The following RAB27A variants were observed in gnomAD, a reference collection of about 807,000 sequenced individuals.
The protein encoded by RAB27A is ras-related protein Rab-27A.
In RAB27A, 17 loss-of-function variants were observed where a neutral mutation model predicts 20.8. The ratio of observed to expected loss-of-function variants is 0.82; its 90% CI spans 0.56 to 1.23. The LOEUF (loss-of-function observed/expected upper bound fraction) is 1.23, where lower values mean the gene tolerates loss of function less well. Among genes scored for constraint, RAB27A ranks in the 50% most tolerant of loss-of-function variants. The pLI, the probability that RAB27A is intolerant of heterozygous loss-of-function variation, is 0.00. For missense variants in RAB27A, 277 were observed against 266.7 expected, an observed-to-expected ratio of 1.04 and a Z score of -0.27; for synonymous variants, 85 against 92.8, an observed-to-expected ratio of 0.92 and a Z score of 0.48.
At chr15:55,284,992 T>C (rs1898110136) in intron 1 of RAB27A, among the ~76,000 whole-genome samples, 1 of 152,140 alleles carries the variant, frequency 6.6e-6, no homozygotes, top group South Asian at 2.1e-4. Flanking sequence ...CATCGATGCA[T>C]TTCCTATGCA....
At chr15:55,209,672 C>A (rs575548556) in intron 6 of RAB27A, among the ~76,000 whole-genome samples, 31 of 144,410 alleles carry the variant, frequency 2.1e-4, no homozygotes, top group South Asian at 4.5e-4. Context: ...ATATATATAT[C>A]TCTCTCCTAA....
At chr15:55,269,746 T>C (rs1354345382) in intron 2 of RAB27A, 1 of 151,824 alleles carries the variant, frequency 6.6e-6, no homozygotes, top group African/African-American at 2.4e-5. Context: ...GTCTCAAATT[T>C]AAAAAACAAA....
At chr15:55,240,493 CAGAA>C (rs749134616) in intron 2 of RAB27A, among the ~76,000 whole-genome samples, 1 of 152,144 alleles carries the variant, frequency 6.6e-6, no homozygotes, top group Non-Finnish European at 1.5e-5. Context: ...CTGTCTCCCT[CAGAA>C]AGATCTAGAG....
intron 2 of RAB27A, among the ~76,000 whole-genome samples, chr15:55,303,369 C>T (rs2054982782): frequency 1.2e-5 from 1 of 83,558 alleles, no homozygotes; most frequent in Admixed American, 9.7e-5. Context: ...CGCCTCTGCC[C>T]GGCCGCCCCT....
At chr15:55,212,868 A>G (rs1248334044) in intron 6 of RAB27A, among the ~76,000 whole-genome samples, 2 of 152,160 alleles carry the variant, frequency 1.3e-5, no homozygotes, top group Admixed American at 1.3e-4. Context: ...TTATCCAAAG[A>G]CCTGTGGTAC....
chr15:55,216,225 AATG>A (rs1895296594), intron 6 of RAB27A, among the ~76,000 whole-genome samples: 1 of 152,162 alleles, frequency 6.6e-6, no homozygotes, highest in African/African-American at 2.4e-5. Flanking sequence ...GCTTATTTGT[AATG>A]ATGTTATTTA....
intron 2 of RAB27A, among the ~76,000 whole-genome samples, chr15:55,247,248 A>C (rs1020609712): frequency 6.6e-6 from 1 of 152,182 alleles, no homozygotes; most frequent in Non-Finnish European, 1.5e-5. Context: ...GAAGAGGTAA[A>C]ATGAAAAGCT....
chr15:55,270,563 A>G (rs1897674856), intron 1 of RAB27A, among the ~76,000 whole-genome samples: 2 of 152,150 alleles, frequency 1.3e-5, no homozygotes, highest in Admixed American at 1.3e-4. Context: ...TCTGCACTTC[A>G]GCTCTTTCTT....
chr15:55,218,516 A>G (rs1043163054), intron 6 of RAB27A, among the ~76,000 whole-genome samples: 1 of 152,260 alleles, frequency 6.6e-6, no homozygotes, highest in African/African-American at 2.4e-5. Flanking sequence ...AACAGTGAGC[A>G]TGCTGTTGAA....
chr15:55,238,312 A>G (rs560125729), intron 2 of RAB27A: 3 of 152,234 alleles, frequency 2.0e-5, no homozygotes, highest in Middle Eastern at 3.4e-3. Flanking sequence ...CAAGCTTCAT[A>G]TCCATTATTC....
intron 3 of RAB27A, among the ~76,000 whole-genome samples, chr15:55,233,882 A>C (rs1896146005): frequency 6.6e-6 from 1 of 152,214 alleles, no homozygotes; most frequent in African/African-American, 2.4e-5. Context: ...ACATATATGT[A>C]GATTCTATCA....
chr15:55,275,918 TAAAAAAAA>T (rs60106785), intron 1 of RAB27A, among the ~76,000 whole-genome samples: 1 of 104,142 alleles, frequency 9.6e-6, no homozygotes, highest in Admixed American at 1.2e-4. Context: ...GATGGCTAAT[TAAAAAAAA>T]AAAAAAAAAA....
Position 55,318,183 on chromosome 15 carries a change from C to T in RAB27A, c.-234+748G>A, listed in dbSNP as rs577117203. On this transcript the variant is annotated intron_variant, in intron 1 of 5. Coordinates refer to the RAB27A transcript ENST00000563262. ...CGCAATCTCGGCTCACTGCAAGCTCCGCCTCCTCGGTTAACGCCATTCTCC... is the reference window on the plus strand; with the variant it reads ...CGCAATCTCGGCTCACTGCAAGCTCTGCCTCCTCGGTTAACGCCATTCTCC... 1.1e-3 allele frequency among the ~76,000 whole-genome samples: 167 copies of T among 150,722 alleles called. No individual in the cohort carries two copies. In the East Asian group the frequency reaches 0.015, roughly 14 times the overall value.
chr15:55,279,080 A>G lies in RAB27A; in HGVS notation c.-142-8796T>C, dbSNP rs547684465. ...TCCAAACTTTGGGATAGATAATGGAAAGAATCACAAGTTACTCAAAGCCAA... is the reference window on the plus strand; with the variant it reads ...TCCAAACTTTGGGATAGATAATGGAGAGAATCACAAGTTACTCAAAGCCAA... On this transcript the variant is annotated intron_variant, in intron 1 of 6. Coordinates refer to ENST00000336787, the MANE Select transcript of RAB27A (RefSeq NM_183235.3). Among the ~76,000 whole-genome samples the G allele has an allele frequency of 9.2e-5, 14 of 152,342 alleles. 1 individual carries two copies. Among genetic ancestry groups the G allele is most frequent in the African/African-American group, 3.4e-4 (14 of 41,576 alleles).
intron 2 of RAB27A, among the ~76,000 whole-genome samples, chr15:55,242,412 T>C (rs1896528519): frequency 6.6e-6 from 1 of 152,202 alleles, no homozygotes; most frequent in Admixed American, 6.5e-5. Context: ...TAAGCCTTAT[T>C]CTTTAAACTG....
At chr15:55,314,531 C>T (rs1230495833) in intron 1 of RAB27A, among the ~76,000 whole-genome samples, 1 of 152,142 alleles carries the variant, frequency 6.6e-6, no homozygotes, top group Non-Finnish European at 1.5e-5. Flanking sequence ...ACTGTCTCCA[C>T]CCAAAAACTC....
intron 2 of RAB27A, among the ~76,000 whole-genome samples, chr15:55,247,991 T>C (rs1385924095): frequency 6.7e-6 from 1 of 150,208 alleles, no homozygotes; most frequent in African/African-American, 2.5e-5. Context: ...GTGAGTGCAG[T>C]GGCGCAATCT....
At chr15:55,256,676 G>C (rs565556453) in intron 2 of RAB27A, among the ~76,000 whole-genome samples, 1 of 152,298 alleles carries the variant, frequency 6.6e-6, no homozygotes, top group Admixed American at 6.5e-5. Flanking sequence ...GAATGCTTAT[G>C]AGGTAATGTG....
At chr15:55,273,387 C>A (rs1423042002) in intron 1 of RAB27A, among the ~76,000 whole-genome samples, 2 of 144,262 alleles carry the variant, frequency 1.4e-5, no homozygotes, top group Non-Finnish European at 3.0e-5. Context: ...CCAGCCTGGG[C>A]GACAGAGCGA....
Sources: gnomAD v4.1 joint callset for allele counts (sites outside exome capture counted in the v4.1 genomes callset) on GRCh38, gnomAD v4.1.1 for gene constraint, MANE v1.5 for transcripts, NCBI Gene and HGNC (gene_info 2026-07-23, HGNC 2026-07-21) for gene names.